Variants in ALK observed in about 807,000 individuals in gnomAD.
The protein encoded by ALK is ALK tyrosine kinase receptor.
Under a neutral mutation model 163.1 loss-of-function variants are expected in ALK, and 74 were observed. The ratio of observed to expected loss-of-function variants is 0.45; its 90% CI spans 0.38 to 0.55. The LOEUF is 0.55. Among genes scored for constraint, ALK ranks in the 20% least tolerant of loss-of-function variants. The pLI is 0.00. For missense variants in ALK, 2,063 were observed against 2,105.3 expected (o/e 0.98, Z 0.39); for synonymous variants, 960 against 843.2 (o/e 1.14, Z -2.40).
At chr2:29,419,018 T>G (rs1432824176) in intron 4 of ALK, among the ~76,000 whole-genome samples, 1 of 151,436 alleles carries the variant, frequency 6.6e-6, no homozygotes, top group East Asian at 1.9e-4. Flanking sequence ...TCCTATATTC[T>G]TGTGCGGAAG....
At position 29,799,506 on chromosome 2, in the gene ALK, AAAAC is replaced by A. The variant is rs143069404; in HGVS notation, c.668-81813_668-81810del. On this transcript the variant is annotated intron_variant, in intron 1 of 28. Coordinates refer to ENST00000389048, the MANE Select transcript of ALK (RefSeq NM_004304.5). ...ACACAGTGGGATCCTGTCTCAAAAC[AAAAC>A]AAACAAACAAACAAACAAACAAACA... Among the ~76,000 whole-genome samples the A allele has an allele frequency of 2.8e-3, 422 of 151,460 alleles. 2 individuals are homozygous for A. The highest frequency in any genetic ancestry group is 7.3e-3 in the African/African-American group (300 of 41,068).
intron 15 of ALK, among the ~76,000 whole-genome samples, chr2:29,231,322 C>T (rs902490821): frequency 3.9e-5 from 6 of 152,188 alleles, no homozygotes; most frequent in East Asian, 3.8e-4. Context: ...GGTGACAGAG[C>T]GAGACTCCGT....
Position 29,446,098 on chromosome 2 carries a change from C to CAA in ALK, c.1155-62241_1155-62240dup, listed in dbSNP as rs60360983. Among the ~76,000 whole-genome samples, 40 of 17,212 alleles carry CAA rather than the reference C, an allele frequency of 2.3e-3. 9 individuals are homozygous for CAA. The highest frequency in any genetic ancestry group is 3.2e-3 in the Non-Finnish European group (29 of 9,172). 11.3% of individuals were successfully genotyped at this position (17,212 alleles called of 152,430 possible). ...TGGGCGACAGAGCGAGACTCCGTCT[C>CAA]AAAAAAAAAAAAAAAAAAAAAAAAA... On this transcript the variant is annotated intron_variant, in intron 4 of 28. Transcript: ENST00000389048.
chr2:29,611,996 T>C (rs1675706117), intron 3 of ALK, among the ~76,000 whole-genome samples: 1 of 152,214 alleles, frequency 6.6e-6, no homozygotes, highest in Non-Finnish European at 1.5e-5. Flanking sequence ...AGGTTCTTTC[T>C]CTACGGTATC....
chr2:29,851,815 C>T (rs1665999942), intron 1 of ALK, among the ~76,000 whole-genome samples: 1 of 152,224 alleles, frequency 6.6e-6, no homozygotes. Context: ...CACCTTCACA[C>T]CTGTGGTCTC....
At chr2:29,235,476 G>A (rs1664349449) in intron 13 of ALK, among the ~76,000 whole-genome samples, 1 of 152,048 alleles carries the variant, frequency 6.6e-6, no homozygotes, top group African/African-American at 2.4e-5. Context: ...ATCTAGTGTG[G>A]GTGGAAGGCT....
chr2:29,282,949 C>A (rs1233275708), intron 9 of ALK, among the ~76,000 whole-genome samples: 2 of 152,202 alleles, frequency 1.3e-5, no homozygotes, highest in East Asian at 1.9e-4. Context: ...CCATCTCTGG[C>A]AAGTTCCTGT....
At chr2:29,216,853 G>GTGTT (rs1370831908) in intron 23 of ALK, among the ~76,000 whole-genome samples, 2 of 150,610 alleles carry the variant, frequency 1.3e-5, no homozygotes, top group African/African-American at 2.4e-5. Flanking sequence ...TATATGGTGT[G>GTGTT]TGTTGTATGT....
chr2:29,848,708 G>A (rs984058680), intron 1 of ALK, among the ~76,000 whole-genome samples: 2 of 152,280 alleles, frequency 1.3e-5, no homozygotes, highest in South Asian at 2.1e-4. Flanking sequence ...GTGCCAGGAG[G>A]GTGAGGTGGG....
At chr2:29,533,454 C>A (rs1002969669) in intron 3 of ALK, among the ~76,000 whole-genome samples, 2 of 152,160 alleles carry the variant, frequency 1.3e-5, no homozygotes, top group Non-Finnish European at 2.9e-5. Context: ...AAAGTTAAGA[C>A]CATACTCCAG....
chr2:29,404,632 A>G (rs1439263542), intron 4 of ALK, among the ~76,000 whole-genome samples: 2 of 152,240 alleles, frequency 1.3e-5, no homozygotes, highest in Non-Finnish European at 2.9e-5. Flanking sequence ...CATTGAATTC[A>G]ACAAACATTT....
chr2:29,904,559 C>G, intron 1 of ALK, among the ~76,000 whole-genome samples: 1 of 152,266 alleles, frequency 6.6e-6, no homozygotes, highest in South Asian at 2.1e-4. Context: ...ATCTTCAGTG[C>G]TCTAACCATG....
At chr2:29,408,891 C>T (rs925243036) in intron 4 of ALK, among the ~76,000 whole-genome samples, 1 of 152,190 alleles carries the variant, frequency 6.6e-6, no homozygotes, top group Non-Finnish European at 1.5e-5. Context: ...AAGAAAAGAA[C>T]AGAACTTGCT....
chr2:29,656,094 C>T (rs1235659569), intron 3 of ALK, among the ~76,000 whole-genome samples: 1 of 151,914 alleles, frequency 6.6e-6, no homozygotes, highest in Non-Finnish European at 1.5e-5. Flanking sequence ...AATTTTTTTT[C>T]CTTGATTGCA....
At chr2:29,829,454 T>C (rs1665301734) in intron 1 of ALK, among the ~76,000 whole-genome samples, 1 of 152,072 alleles carries the variant, frequency 6.6e-6, no homozygotes, top group African/African-American at 2.4e-5. Flanking sequence ...CTCCAGGTGG[T>C]TGTTTGTAAG....
At chr2:29,225,956 T>C (rs1663972016) in intron 18 of ALK, among the ~76,000 whole-genome samples, 1 of 152,126 alleles carries the variant, frequency 6.6e-6, no homozygotes, top group Admixed American at 6.5e-5. Flanking sequence ...GTTACTTCCT[T>C]GTGGCCCTGA....
chr2:29,891,358 C>T (rs748820907), intron 1 of ALK, among the ~76,000 whole-genome samples: 1 of 152,116 alleles, frequency 6.6e-6, no homozygotes, highest in African/African-American at 2.4e-5. Flanking sequence ...TACAGGAGAC[C>T]TAGAGAGGAT....
chr2:29,431,374 G>A (rs1025785795), intron 4 of ALK, among the ~76,000 whole-genome samples: 2 of 152,162 alleles, frequency 1.3e-5, no homozygotes, highest in African/African-American at 2.4e-5. Flanking sequence ...GGGTTAAGGA[G>A]GAGATGGGAA....
At chr2:29,584,708 C>T (rs1421654163) in intron 3 of ALK, among the ~76,000 whole-genome samples, 1 of 152,188 alleles carries the variant, frequency 6.6e-6, no homozygotes, top group African/African-American at 2.4e-5. Context: ...CTGGATTTTG[C>T]CAAGTGATCA....
Sources: allele counts gnomAD v4.1 joint callset (sites outside exome capture counted in the v4.1 genomes callset), GRCh38; gene constraint gnomAD v4.1.1; transcripts MANE v1.5; gene names NCBI Gene and HGNC (gene_info 2026-07-23, HGNC 2026-07-21).